CDH10: variants seen among roughly 807,000 people sequenced by gnomAD.
CDH10 encodes cadherin 10, also known as cadherin-10.
In CDH10, 30 loss-of-function variants were observed where a neutral mutation model predicts 73.1. That is an observed-to-expected ratio of 0.41 (90% CI 0.31 to 0.56). The LOEUF is 0.56. CDH10 is among the 20% of genes least tolerant of loss of function. The pLI, the probability that CDH10 is intolerant of heterozygous loss-of-function variation, is 0.27. For synonymous variants in CDH10, 345 were observed against 348.2 expected, an observed-to-expected ratio of 0.99 and a Z score of 0.10; for missense variants, 815 against 973.7, an observed-to-expected ratio of 0.84 and a Z score of 2.17.
At chr5:24,567,250 C>T (rs371198372) in intron 2 of CDH10, among the ~76,000 whole-genome samples, 14 of 151,862 alleles carry the variant, frequency 9.2e-5, no homozygotes, top group African/African-American at 2.9e-4. Context: ...CTAATTGTGA[C>T]AGTGTAAATT....
At chr5:24,595,255 T>C (rs1746331713) in intron 1 of CDH10, among the ~76,000 whole-genome samples, 1 of 151,978 alleles carries the variant, frequency 6.6e-6, no homozygotes, top group African/African-American at 2.4e-5. Flanking sequence ...GCATTATAAG[T>C]ACTCCTGCTT....
chr5:24,580,926 A>G (rs1203560008), intron 2 of CDH10, among the ~76,000 whole-genome samples: 1 of 152,050 alleles, frequency 6.6e-6, no homozygotes, highest in Non-Finnish European at 1.5e-5. Flanking sequence ...TCTTTTTTCT[A>G]AAATTGACTC....
At chr5:24,609,737 T>A (rs1218215650) in intron 1 of CDH10, 2 of 152,348 alleles carry the variant, frequency 1.3e-5, no homozygotes. Flanking sequence ...CACAATGTTT[T>A]GATTTCTGCT....
chr5:24,568,174 A>T (rs1409519586), intron 2 of CDH10, among the ~76,000 whole-genome samples: 1 of 151,904 alleles, frequency 6.6e-6, no homozygotes, highest in African/African-American at 2.4e-5. Context: ...TAAACAAAAA[A>T]CATAGGATAG....
At chr5:24,625,208 A>G (rs978634714) in intron 1 of CDH10, among the ~76,000 whole-genome samples, 8 of 152,132 alleles carry the variant, frequency 5.3e-5, no homozygotes, top group African/African-American at 1.4e-4. Context: ...ATTCCAGACT[A>G]TTAAAGGGAA....
intron 1 of CDH10, among the ~76,000 whole-genome samples, chr5:24,625,914 A>G (rs78966883): frequency 0.018 from 2,786 of 152,042 alleles, 102 homozygotes; most frequent in African/African-American, 0.064. Context: ...CTATCCTTTA[A>G]GAGAGAATTT....
At chr5:24,568,896 G>C (rs1188208686) in intron 2 of CDH10, among the ~76,000 whole-genome samples, 3 of 152,040 alleles carry the variant, frequency 2.0e-5, no homozygotes, top group African/African-American at 7.3e-5. Context: ...TGGATCACGA[G>C]GTCAGGAGTT....
At chr5:24,575,352 C>CAAAAAAAAAAAAAAA (rs1388761427) in intron 2 of CDH10, among the ~76,000 whole-genome samples, 3 of 47,160 alleles carry the variant, frequency 6.4e-5, no homozygotes, top group East Asian at 5.1e-4. Context: ...ACAACAAAAA[C>CAAAAAAAAAAAAAAA]AACAAAAAAA....
At position 24,509,691 on chromosome 5, in the gene CDH10, A is replaced by G; in HGVS notation, c.1131T>C (p.Asp377=). Residue 377 remains aspartate, a synonymous_variant, in exon 7 of 12, where the codon GAT becomes GAC. Transcript: ENST00000264463. ...DTTIVKISIE[D]VDEPPVFSRS... is the part of the protein sequence containing the mutation. ...TACTAAAAACAGGAGGTTCATCCAC[A>G]TCTTCTATAGAGATTTTCACTATGG... 2 of 1,613,756 alleles carry G rather than the reference A, an allele frequency of 1.2e-6. No homozygotes were observed. The highest frequency in any genetic ancestry group is 1.7e-6 in the Non-Finnish European group (2 of 1,179,640).
chr5:24,488,261 T>C (rs1281192833), intron 11 of CDH10, 108 bp from the exon 12 acceptor site: 2 of 942,922 alleles, frequency 2.1e-6, no homozygotes, highest in East Asian at 5.2e-5. Context: ...TATAACAGCT[T>C]AGACTTTCAG....
At chr5:24,500,284 A>C (rs1742442433) in intron 8 of CDH10, among the ~76,000 whole-genome samples, 1 of 152,244 alleles carries the variant, frequency 6.6e-6, no homozygotes, top group African/African-American at 2.4e-5. Flanking sequence ...CAGACTGCTT[A>C]GCAGGGATAT....
intron 1 of CDH10, among the ~76,000 whole-genome samples, chr5:24,620,087 C>CA (rs1047398786): frequency 6.6e-6 from 1 of 152,130 alleles, no homozygotes; most frequent in Non-Finnish European, 1.5e-5. Context: ...AATACTTCTG[C>CA]AAAAATCTAC....
At chr5:24,542,916 C>A (rs1167251224) in intron 2 of CDH10, among the ~76,000 whole-genome samples, 1 of 152,122 alleles carries the variant, frequency 6.6e-6, no homozygotes, top group Non-Finnish European at 1.5e-5. Flanking sequence ...AAAACCATCA[C>A]CTTAGGAGTT....
chr5:24,588,712 T>C lies in CDH10; in HGVS notation c.231+4548A>G, dbSNP rs533716524. Among the ~76,000 whole-genome samples the C allele has an allele frequency of 3.4e-4, 52 of 152,304 alleles. 1 individual carries two copies. In the South Asian group the frequency reaches 6.8e-3, roughly 20 times the overall value. On this transcript the variant is annotated intron_variant, in intron 2 of 11. Coordinates refer to ENST00000264463, the MANE Select transcript of CDH10 (RefSeq NM_006727.5). ...ACACAGTTGCTATTTCTGGGCTTTA[T>C]TGATATTTAAATTTGAGTTAGTCTC...
At chr5:24,514,262 T>A (rs1743024916) in intron 5 of CDH10, among the ~76,000 whole-genome samples, 1 of 152,128 alleles carries the variant, frequency 6.6e-6, no homozygotes, top group African/African-American at 2.4e-5. Flanking sequence ...GTTTCAAAAC[T>A]CTTTGATTGT....
intron 2 of CDH10, among the ~76,000 whole-genome samples, chr5:24,588,046 G>T (rs528623325): frequency 2.6e-5 from 4 of 152,184 alleles, no homozygotes; most frequent in South Asian, 2.1e-4. Context: ...AGTCCCTAGA[G>T]ATTTTAATAT....
At chr5:24,560,771 C>G (rs1377756473) in intron 2 of CDH10, among the ~76,000 whole-genome samples, 1 of 152,006 alleles carries the variant, frequency 6.6e-6, no homozygotes, top group Non-Finnish European at 1.5e-5. Flanking sequence ...CAACTTCAGC[C>G]TTTAAAATGT....
intron 2 of CDH10, among the ~76,000 whole-genome samples, chr5:24,567,922 T>C (rs1288978328): frequency 6.6e-6 from 1 of 152,142 alleles, no homozygotes; most frequent in Admixed American, 6.5e-5. Flanking sequence ...GCAGTGTTGA[T>C]ATAAAAATGT....
At chr5:24,497,094 T>A (rs1742319149) in intron 9 of CDH10, among the ~76,000 whole-genome samples, 1 of 152,176 alleles carries the variant, frequency 6.6e-6, no homozygotes, top group Non-Finnish European at 1.5e-5. Flanking sequence ...GTCCAAAAGG[T>A]ATGGAGACGT....
Sources: gnomAD v4.1 joint callset for allele counts (sites outside exome capture counted in the v4.1 genomes callset) on GRCh38, gnomAD v4.1.1 for gene constraint, MANE v1.5 for transcripts, NCBI Gene and HGNC (gene_info 2026-07-23, HGNC 2026-07-21) for gene names.